BPIFB3: variants seen among roughly 807,000 people sequenced by gnomAD.
BPIFB3 encodes the protein BPI fold-containing family B member 3.
A neutral mutation model predicts 53.1 loss-of-function variants in BPIFB3; 49 were observed. That is an observed-to-expected ratio of 0.92 (90% CI 0.73 to 1.17). The LOEUF (loss-of-function observed/expected upper bound fraction) is 1.17, where lower values mean the gene tolerates loss of function less well. BPIFB3 is among the 50% of genes most tolerant of loss of function. BPIFB3 has a pLI of 0.00. For missense variants in BPIFB3, 628 were observed against 592.5 expected (o/e 1.06, Z -0.62); for synonymous variants, 271 against 269.6 (o/e 1.01, Z -0.05).
At chr20:33,061,814 A>C in exon 5 of BPIFB3, 3 of 1,614,156 alleles carry the variant, frequency 1.9e-6, no homozygotes, top group Middle Eastern at 3.3e-4. Context: ...GATGCTCTTC[A>C]AGGTGCTTCC....
At chr20:33,065,776 C>T (rs760434223) in intron 8 of BPIFB3, among the ~76,000 whole-genome samples, 15 of 152,154 alleles carry the variant, frequency 9.9e-5, no homozygotes, top group Non-Finnish European at 2.2e-4. Flanking sequence ...TTATTTTGGT[C>T]TCAGCCTGGG....
chr20:33,063,852 C>T (rs113471892), intron 6 of BPIFB3, among the ~76,000 whole-genome samples, 177 bp downstream of exon 7: 78 of 152,318 alleles, frequency 5.1e-4, no homozygotes, highest in African/African-American at 1.8e-3. Flanking sequence ...GGGCTGAGGC[C>T]GCCTAGCAGG....
At chr20:33,064,528 T>C (rs765309473) in exon 7 of BPIFB3, 1 of 1,613,884 alleles carries the variant, frequency 6.2e-7, no homozygotes, top group African/African-American at 1.3e-5. Context: ...CTCCAACCAG[T>C]ACATAGAACT....
intron 9 of BPIFB3, among the ~76,000 whole-genome samples, chr20:33,068,175 G>A (rs1328450194): frequency 6.6e-6 from 1 of 152,242 alleles, no homozygotes; most frequent in Non-Finnish European, 1.5e-5. Flanking sequence ...CTGCACTCAA[G>A]GGGTTGCCAT....
chr20:33,073,634 G>T, downstream of BPIFB3: 1 of 1,613,318 alleles, frequency 6.2e-7, no homozygotes, highest in Non-Finnish European at 8.5e-7. Context: ...AGCCTTCCCT[G>T]TTGACTACTA....
intron 11 of BPIFB3, among the ~76,000 whole-genome samples, chr20:33,070,326 GACTTGTT>G (rs1414941247): frequency 6.6e-6 from 1 of 152,196 alleles, no homozygotes; most frequent in East Asian, 1.9e-4. Flanking sequence ...TATTTATGTG[GACTTGTT>G]ACTTGTTACT....
exon 8 of BPIFB3, chr20:33,064,677 G>C (rs1980596481): frequency 1.9e-6 from 3 of 1,614,022 alleles, no homozygotes; most frequent in Non-Finnish European, 2.5e-6. Flanking sequence ...CTATCGTGAA[G>C]AGTGTAGCTG....
chr20:33,054,170 G>A (rs1205752846), upstream of BPIFB3, among the ~76,000 whole-genome samples: 4 of 152,068 alleles, frequency 2.6e-5, no homozygotes, highest in Non-Finnish European at 4.4e-5. Flanking sequence ...ATTCACAGCC[G>A]GAGGGGTGGG....
At position 33,066,790 on chromosome 20, in the gene BPIFB3, T is replaced by A; in HGVS notation, c.925-34T>A. ...CTGAGGGATTCCTGTTCTGTCTCTGTGCTCACCAACCCTCTCTCCCATTGG... is the reference window on the plus strand; with the variant it reads ...CTGAGGGATTCCTGTTCTGTCTCTGAGCTCACCAACCCTCTCTCCCATTGG... On this transcript the variant is annotated intron_variant, in intron 8 of 14. Transcript: ENST00000375494. 3.7e-6 allele frequency: 6 copies of A among 1,605,768 alleles called. No homozygotes were observed. In the South Asian group the frequency reaches 6.6e-5, roughly 18 times the overall value.
chr20:33,055,309 C>A, upstream of BPIFB3: 2 of 1,485,870 alleles, frequency 1.3e-6, no homozygotes, highest in Non-Finnish European at 9.1e-7. Context: ...GAGTGAAGCT[C>A]AATTTGGGCT....
In BPIFB3 at chr20:33,059,058, G is replaced by C. The variant is rs144903859; in HGVS notation, c.282-320G>C. Among the ~76,000 whole-genome samples, 45 of 152,286 alleles carry C rather than the reference G, an allele frequency of 3.0e-4. No individual in the cohort carries two copies. In the East Asian group the frequency reaches 8.7e-3, roughly 29 times the overall value. The stretch of plus-strand genomic sequence containing the variant: ...ACCAAACCAGGGCTGAGACTGTGGG[G>C]ATGGAGTGAGGAAAAACTTTAATTC... On this transcript the variant is annotated intron_variant, in intron 2 of 14. Coordinates refer to ENST00000375494, the Ensembl canonical transcript of BPIFB3.
Position 33,065,586 on chromosome 20 carries a change from G to A in BPIFB3, c.924+741G>A, listed in dbSNP as rs553935302. 5.4e-5 allele frequency among the ~76,000 whole-genome samples: 8 copies of A among 148,648 alleles called. No homozygotes were observed. In the East Asian group the frequency reaches 1.4e-3, roughly 25 times the overall value. On this transcript the variant is annotated intron_variant, in intron 8 of 14. Coordinates refer to ENST00000375494, the Ensembl canonical transcript of BPIFB3. Reference sequence around the variant, plus strand: ...AAGAAAGAAAGAGAGAGAAAAGAAGGAAGGAAGGAAGGAAAGAAGGAAGGA... The same window carrying A: ...AAGAAAGAAAGAGAGAGAAAAGAAGAAAGGAAGGAAGGAAAGAAGGAAGGA...
At chr20:33,066,715 A>C in intron 8 of BPIFB3, 109 bp from the exon 10 acceptor site, 1 of 1,023,926 alleles carries the variant, frequency 9.8e-7, no homozygotes, top group Non-Finnish European at 1.5e-6. Context: ...TATATGTATG[A>C]AATTGGCAGG....
At chr20:33,072,082 C>A in intron 12 of BPIFB3, 22 bp from the exon 14 acceptor site, 2 of 1,613,742 alleles carry the variant, frequency 1.2e-6, no homozygotes, top group Non-Finnish European at 1.7e-6. Context: ...CCACCCCCAC[C>A]ACCCTGTGTG....
chr20:33,061,606 G>A (rs1318323827), intron 4 of BPIFB3, among the ~76,000 whole-genome samples, 162 bp from the exon 6 acceptor site: 1 of 151,832 alleles, frequency 6.6e-6, no homozygotes, highest in East Asian at 2.0e-4. Flanking sequence ...CCCCTCGGGA[G>A]GAGGAGCCAG....
At chr20:33,063,283 C>T (rs546497987) in intron 5 of BPIFB3, among the ~76,000 whole-genome samples, 1 of 152,272 alleles carries the variant, frequency 6.6e-6, no homozygotes, top group East Asian at 1.9e-4. Flanking sequence ...GAACCAAAGC[C>T]GCTTTTGCCT....
At chr20:33,054,281 C>A (rs1980104838), upstream of BPIFB3, among the ~76,000 whole-genome samples, 1 of 152,010 alleles carries the variant, frequency 6.6e-6, no homozygotes, top group Non-Finnish European at 1.5e-5. Flanking sequence ...ATCCCCTGCC[C>A]CCTCAGCAGG....
intron 11 of BPIFB3, among the ~76,000 whole-genome samples, chr20:33,070,524 G>T (rs936661603): frequency 4.6e-5 from 7 of 152,194 alleles, no homozygotes. Flanking sequence ...AGGCTCACAC[G>T]GCAGGCCGTC....
chr20:33,063,740 G>C, intron 6 of BPIFB3, 65 bp downstream of exon 7: 4 of 1,540,530 alleles, frequency 2.6e-6, no homozygotes, highest in Admixed American at 1.9e-5. Flanking sequence ...CCCCAATGGG[G>C]TAGGGTACGA....
Sources: allele counts gnomAD v4.1 joint callset (sites outside exome capture counted in the v4.1 genomes callset), GRCh38; gene constraint gnomAD v4.1.1; transcripts MANE v1.5; gene names NCBI Gene and HGNC (gene_info 2026-07-23, HGNC 2026-07-21).